FCGR1A: variants seen among roughly 807,000 people sequenced by gnomAD.
FCGR1A encodes Fc gamma receptor Ia.
In FCGR1A, 13 loss-of-function variants were observed where a neutral mutation model predicts 35.0. The ratio of observed to expected loss-of-function variants is 0.37; its 90% CI spans 0.24 to 0.59. FCGR1A has a LOEUF of 0.59. Among genes scored for constraint, FCGR1A ranks in the 20% least tolerant of loss-of-function variants. FCGR1A has a pLI of 0.71. For synonymous variants in FCGR1A, 91 were observed against 164.7 expected (o/e 0.55, Z 3.43); for missense variants, 227 against 430.0 (o/e 0.53, Z 4.17).
At chr1:149,793,234 C>G, downstream of FCGR1A, 1 of 1,259,110 alleles carries the variant, frequency 7.9e-7, no homozygotes, top group Non-Finnish European at 1.0e-6. Context: ...CAAGAGCAGC[C>G]GGAGGCGGCG....
the FCGR1A span, among the ~76,000 whole-genome samples, chr1:149,798,591 T>C: frequency 6.7e-6 from 1 of 150,100 alleles, no homozygotes; most frequent in African/African-American, 2.5e-5. Context: ...TCTAGTGCCA[T>C]ATATAAATGT....
Position 149,788,658 on chromosome 1 carries a change from C to G in FCGR1A, c.559+41C>G, listed in dbSNP as rs201261589. On this transcript the variant is annotated intron_variant, in intron 4 of 5. Transcript: ENST00000369168. ...AGTCATAGAACTGATAGTCCCTCCC[C>G]CTGAGGGACCATCATAAATATTCTA... 1.9e-3 allele frequency: 3,089 copies of G among 1,591,844 alleles called. 87 individuals carry two copies. In the East Asian group the frequency reaches 0.058, roughly 30 times the overall value.
downstream of FCGR1A, chr1:149,793,069 G>A (rs1553752333): frequency 3.1e-6 from 4 of 1,270,442 alleles, no homozygotes; most frequent in Non-Finnish European, 4.1e-6. Context: ...CCTGGCGGCC[G>A]TCTGTGGAGG....
downstream of FCGR1A, chr1:149,792,561 G>A: frequency 1.7e-6 from 2 of 1,183,692 alleles, no homozygotes; most frequent in Non-Finnish European, 2.1e-6. Flanking sequence ...ATCCGTAAAT[G>A]ATGGGATGGG....
the FCGR1A span, among the ~76,000 whole-genome samples, chr1:149,800,342 T>G: frequency 6.6e-6 from 1 of 152,034 alleles, no homozygotes; most frequent in Non-Finnish European, 1.5e-5. Context: ...TAGGAATCAC[T>G]GATTAAACCA....
chr1:149,784,727 T>C (rs1422714846), intron 3 of FCGR1A, among the ~76,000 whole-genome samples: 24 of 149,100 alleles, frequency 1.6e-4, no homozygotes, highest in African/African-American at 5.9e-4. Flanking sequence ...TATACACACA[T>C]ATATATAGTT....
chr1:149,790,672 C>G (rs1227847389), intron 5 of FCGR1A, among the ~76,000 whole-genome samples: 1 of 150,538 alleles, frequency 6.6e-6, no homozygotes, highest in Non-Finnish European at 1.5e-5. Flanking sequence ...CCTTCTCTCT[C>G]TCTCTCTCCC....
At chr1:149,791,198 C>T in intron 5 of FCGR1A, 39 bp from the exon 6 acceptor site, 2 of 1,606,098 alleles carry the variant, frequency 1.2e-6, no homozygotes, top group Non-Finnish European at 1.7e-6. Context: ...CCTCTGGTCT[C>T]TAAATAGTAT....
chr1:149,788,612 T>C lies in FCGR1A; in HGVS notation c.554T>C (p.Val185Ala). Reference protein sequence around the residue: ...RYTSAGISVTVKELFPAPVLN... With the variant: ...RYTSAGISVTAKELFPAPVLN... ...ACATCAGCAGGAATATCTGTCACTG[T>C]GAAAGGTATTGTATTGGAATAGTCA... The change falls in exon 4 of 6, where the codon GTG becomes GCG. Residue 185 changes from valine to alanine, a missense_variant. This residue lies in a region of FCGR1A where 185 missense variants were observed against 306.6 expected (regional missense o/e 0.60). Coordinates refer to ENST00000369168, the MANE Select transcript of FCGR1A (RefSeq NM_000566.4). The C allele has an allele frequency of 6.2e-7, 1 of 1,614,014 alleles. No individual in the cohort carries two copies. The highest frequency in any genetic ancestry group is 8.5e-7 in the Non-Finnish European group (1 of 1,179,872).
At position 149,790,124 on chromosome 1, in the gene FCGR1A, G is replaced by C. The variant is rs782028457; in HGVS notation, c.630G>C (p.Leu210=). 179 of 1,613,920 alleles carry C rather than the reference G, an allele frequency of 1.1e-4. 2 individuals are homozygous for C. The East Asian group carries it at 3.9e-3, about 36-fold the overall frequency. The stretch of plus-strand genomic sequence containing the variant: ...TCCTGGAGGGGAATCTGGTCACCCT[G>C]AGCTGTGAAACAAAGTTGCTCTTGC... ...SPLLEGNLVT[L]SCETKLLLQR... Residue 210 remains leucine (L), a synonymous_variant, in exon 5 of 6, where the codon CTG becomes CTC. Transcript: ENST00000369168.
downstream of FCGR1A, chr1:149,792,596 C>T (rs587679229): frequency 9.8e-4 from 1,179 of 1,204,846 alleles, 57 homozygotes; most frequent in African/African-American, 0.018. Context: ...GCGTGTCCCG[C>T]GGCGGGCCCC....
At chr1:149,793,996 C>T (rs587737553), downstream of FCGR1A, 249 of 884,716 alleles carry the variant, frequency 2.8e-4, 6 homozygotes, top group African/African-American at 3.9e-3. Context: ...GCCCTGAGAA[C>T]CAGACAGAAT....
At chr1:149,795,980 C>T (rs1163924780), downstream of FCGR1A, among the ~76,000 whole-genome samples, 4 of 151,258 alleles carry the variant, frequency 2.6e-5, no homozygotes, top group African/African-American at 4.9e-5. Flanking sequence ...GTCACACACA[C>T]ACAAAGCTAG....
chr1:149,798,781 T>C, the FCGR1A span, among the ~76,000 whole-genome samples: 1 of 152,100 alleles, frequency 6.6e-6, no homozygotes, highest in African/African-American at 2.4e-5. Context: ...CTGGCTAATA[T>C]TTTTACTTTT....
At chr1:149,794,096 A>T (rs1553752545), downstream of FCGR1A, 2 of 484,924 alleles carry the variant, frequency 4.1e-6, no homozygotes. Flanking sequence ...GGCTGTAGAG[A>T]GACAACAGTA....
rs2091480264 is a variant in FCGR1A, at chr1:149,784,270, T to G, written c.307+13T>G. On this transcript the variant is annotated intron_variant, in intron 3 of 5. Transcript: ENST00000369168. ...GAAATCCACAGAGGTAATTATGACT[T>G]GGACCAGGAGGGCCGGAAACCACAA... is the stretch of plus-strand genomic sequence containing the variant. The G allele has an allele frequency of 1.2e-6, 2 of 1,610,850 alleles. No individual in the cohort carries two copies. Among genetic ancestry groups the G allele is most frequent in the Non-Finnish European group, 1.7e-6 (2 of 1,179,840 alleles).
At chr1:149,789,086 A>C (rs1553751299) in intron 4 of FCGR1A, among the ~76,000 whole-genome samples, 1 of 151,734 alleles carries the variant, frequency 6.6e-6, no homozygotes, top group African/African-American at 2.4e-5. Context: ...TCTGCAGGCT[A>C]AGCAGTTTGC....
intron 3 of FCGR1A, chr1:149,785,697 A>T (rs1401708364): frequency 6.6e-6 from 1 of 152,064 alleles, no homozygotes; most frequent in South Asian, 2.1e-4. Context: ...TTTTCATTGA[A>T]ATATAACTTA....
At chr1:149,789,964 G>C (rs1226630457) in intron 4 of FCGR1A, 90 bp from the exon 5 acceptor site, 3 of 1,610,728 alleles carry the variant, frequency 1.9e-6, no homozygotes, top group Non-Finnish European at 2.5e-6. Flanking sequence ...TCTAGGGCCA[G>C]GTTTCCCAAG....
Sources: allele counts gnomAD v4.1 joint callset (sites outside exome capture counted in the v4.1 genomes callset), GRCh38; gene constraint gnomAD v4.1.1; regional missense constraint gnomAD v4.1.1; transcripts MANE v1.5; gene names NCBI Gene and HGNC (gene_info 2026-07-23, HGNC 2026-07-21).